The following KIAA0319 variants were observed in gnomAD, a reference collection of about 807,000 sequenced individuals.
KIAA0319 encodes dyslexia-associated protein KIAA0319.
Under a neutral mutation model 108.4 loss-of-function variants are expected in KIAA0319, and 83 were observed. The observed-to-expected ratio is 0.77, with a 90% CI of 0.64 to 0.92. The LOEUF is 0.92. Among genes scored for constraint, KIAA0319 ranks in the 40% least tolerant of loss-of-function variants. The pLI is 0.00. For synonymous variants in KIAA0319, 484 were observed against 510.4 expected, an observed-to-expected ratio of 0.95 and a Z score of 0.70; for missense variants, 1,195 against 1,322.4, an observed-to-expected ratio of 0.90 and a Z score of 1.49.
intron 1 of KIAA0319, among the ~76,000 whole-genome samples, chr6:24,618,417 T>C (rs1026777673): frequency 1.3e-5 from 2 of 151,956 alleles, no homozygotes; most frequent in African/African-American, 4.8e-5. Flanking sequence ...GAGACCAGCC[T>C]AGGCAACATA....
chr6:24,543,408 G>C (rs1042039387), downstream of KIAA0319, among the ~76,000 whole-genome samples: 1 of 152,180 alleles, frequency 6.6e-6, no homozygotes, highest in Non-Finnish European at 1.5e-5. Flanking sequence ...GCAGTTTACT[G>C]TAAGTGAATT....
intron 1 of KIAA0319, among the ~76,000 whole-genome samples, chr6:24,605,749 C>T (rs1386063917): frequency 2.0e-5 from 3 of 151,968 alleles, no homozygotes; most frequent in South Asian, 4.1e-4. Context: ...ATAATATATG[C>T]TTTTTTTCTT....
intron 1 of KIAA0319, among the ~76,000 whole-genome samples, chr6:24,644,511 T>G (rs1295591574): frequency 6.6e-6 from 1 of 152,284 alleles, no homozygotes; most frequent in East Asian, 1.9e-4. Context: ...TATACCTCGT[T>G]GTGCTTAAAG....
intron 1 of KIAA0319, among the ~76,000 whole-genome samples, chr6:24,627,933 G>A (rs1011357468): frequency 2.6e-5 from 4 of 152,206 alleles, no homozygotes; most frequent in Non-Finnish European, 5.9e-5. Context: ...GAAGAATGCT[G>A]AAGACATGTC....
chr6:24,579,432 T>TATATATATAC (rs1766073473), intron 8 of KIAA0319, among the ~76,000 whole-genome samples: 1 of 133,226 alleles, frequency 7.5e-6, no homozygotes, highest in African/African-American at 3.0e-5. Flanking sequence ...TATATATATA[T>TATATATATAC]CTTATATATC....
chr6:24,563,184 T>C (rs1392734702), intron 16 of KIAA0319, among the ~76,000 whole-genome samples, 175 bp downstream of exon 16: 1 of 152,244 alleles, frequency 6.6e-6, no homozygotes, highest in African/African-American at 2.4e-5. Context: ...AGGAAGGACC[T>C]AGCATGATGT....
At chr6:24,636,241 A>G (rs893098059) in intron 1 of KIAA0319, among the ~76,000 whole-genome samples, 1 of 152,236 alleles carries the variant, frequency 6.6e-6, no homozygotes, top group South Asian at 2.1e-4. Flanking sequence ...AAGCCAAAAC[A>G]GGTATCAACA....
In KIAA0319 at chr6:24,563,439, A is replaced by G; in HGVS notation, c.2511T>C (p.Leu837=). ...TCAGCAGCACAGCCAGCTGCCTCAC[A>G]AGGGTGTCCTTCCGCTGCTCTGTCA... The part of the protein sequence containing the change: ...GQLTEQRKDT[L]VRQLAVLLNV... The change falls in exon 16 of 21, where the codon CTT becomes CTC. Residue 837 remains leucine (L), a synonymous_variant. Transcript: ENST00000378214. 6.2e-7 allele frequency: 1 copy of G among 1,613,830 alleles called. No individual in the cohort carries two copies. Among genetic ancestry groups the G allele is most frequent in the Non-Finnish European group, 8.5e-7 (1 of 1,179,950 alleles).
chr6:24,618,171 C>T (rs768133572), intron 1 of KIAA0319, among the ~76,000 whole-genome samples: 21 of 152,064 alleles, frequency 1.4e-4, no homozygotes, highest in Non-Finnish European at 2.8e-4. Flanking sequence ...ACTAGTTTGG[C>T]TTAATAAACC....
chr6:24,573,186 G>A (rs1037877047), intron 10 of KIAA0319, among the ~76,000 whole-genome samples: 1 of 152,168 alleles, frequency 6.6e-6, no homozygotes, highest in Non-Finnish European at 1.5e-5. Flanking sequence ...TTGAAGGAGT[G>A]TAAACTACCA....
rs1409982926 is a variant in KIAA0319 at position 24,594,431 on chromosome 6, G to GC, written c.801+1441dup. 1.1e-4 allele frequency among the ~76,000 whole-genome samples: 17 copies of GC among 151,568 alleles called. No homozygotes were observed. In the South Asian group the frequency reaches 3.6e-3, roughly 32 times the overall value. ...ATTTGAGGTCAGGAGTTCGAAGCCAGCCTGGCCAACATAGTGAAAACCCAT... is the reference window on the plus strand; with the variant it reads ...ATTTGAGGTCAGGAGTTCGAAGCCAGCCCTGGCCAACATAGTGAAAACCCAT... On this transcript the variant is annotated intron_variant, in intron 3 of 20. Coordinates refer to ENST00000378214, the MANE Select transcript of KIAA0319 (RefSeq NM_014809.4).
At chr6:24,635,114 T>C (rs996509643) in intron 1 of KIAA0319, among the ~76,000 whole-genome samples, 9 of 151,942 alleles carry the variant, frequency 5.9e-5, no homozygotes, top group Admixed American at 2.0e-4. Context: ...CTTTCTTTTT[T>C]TTTTTTTTGA....
intron 4 of KIAA0319, 53 bp from the exon 5 acceptor site, chr6:24,583,755 T>C (rs1767013094): frequency 9.1e-7 from 1 of 1,103,954 alleles, no homozygotes; most frequent in Non-Finnish European, 1.4e-6. Context: ...ATGTGTTACA[T>C]TACTGCTCTA....
rs547503338 is a variant in KIAA0319 at position 24,605,747 on chromosome 6, T to C, written c.-105-4539A>G. Among the ~76,000 whole-genome samples, 18 of 152,284 alleles carry C rather than the reference T, an allele frequency of 1.2e-4. No individual in the cohort carries two copies. In the South Asian group the frequency reaches 3.5e-3, roughly 30 times the overall value. On this transcript the variant is annotated intron_variant, in intron 1 of 20. Coordinates refer to ENST00000378214, the MANE Select transcript of KIAA0319 (RefSeq NM_014809.4). ...GGTGAAAACTGGTGAGAATAATATA[T>C]GCTTTTTTTCTTTTCCTTTTTTGCT...
intron 1 of KIAA0319, among the ~76,000 whole-genome samples, chr6:24,645,109 T>C (rs1777450004): frequency 6.6e-6 from 1 of 152,184 alleles, no homozygotes; most frequent in East Asian, 1.9e-4. Context: ...GGGGGGAACA[T>C]TGTCTACAAT....
chr6:24,557,463 G>A (rs373490441), intron 17 of KIAA0319, among the ~76,000 whole-genome samples: 2 of 152,176 alleles, frequency 1.3e-5, no homozygotes, highest in South Asian at 2.1e-4. Flanking sequence ...AGATCACACC[G>A]CTGCACTGCA....
intron 3 of KIAA0319, among the ~76,000 whole-genome samples, chr6:24,595,522 G>C (rs1012967625): frequency 5.8e-4 from 83 of 143,000 alleles, no homozygotes; most frequent in African/African-American, 2.2e-3. Context: ...ACTCCAGCCT[G>C]GGCGACAGAG....
chr6:24,580,051 T>C (rs573618217), intron 7 of KIAA0319, 101 bp from the exon 8 acceptor site: 63 of 883,442 alleles, frequency 7.1e-5, no homozygotes, highest in Non-Finnish European at 1.1e-4. Context: ...ATACATGTCC[T>C]GTCAAGAAGG....
At chr6:24,582,579 C>T (rs1766752179) in intron 5 of KIAA0319, among the ~76,000 whole-genome samples, 1 of 149,482 alleles carries the variant, frequency 6.7e-6, no homozygotes, top group African/African-American at 2.5e-5. Flanking sequence ...GCCAAGATAA[C>T]ATGTATCTTC....
Sources: allele counts gnomAD v4.1 joint callset (sites outside exome capture counted in the v4.1 genomes callset), GRCh38; gene constraint gnomAD v4.1.1; transcripts MANE v1.5; gene names NCBI Gene and HGNC (gene_info 2026-07-23, HGNC 2026-07-21).